The following LDLRAD4 variants were observed in gnomAD, a reference collection of about 807,000 sequenced individuals.
LDLRAD4 encodes the protein low-density lipoprotein receptor class A domain-containing protein 4.
A neutral mutation model predicts 17.0 loss-of-function variants in LDLRAD4; 5 were observed. That is an observed-to-expected ratio of 0.29 (90% CI 0.15 to 0.62). The LOEUF (loss-of-function observed/expected upper bound fraction) is 0.62, where lower values mean the gene tolerates loss of function less well. Among genes scored for constraint, LDLRAD4 ranks in the 20% least tolerant of loss-of-function variants. The pLI is 0.84. For synonymous variants in LDLRAD4, 168 were observed against 171.8 expected (o/e 0.98, Z 0.17); for missense variants, 340 against 424.7 (o/e 0.80, Z 1.75).
chr18:13,601,851 A>C (rs1234567772), intron 3 of LDLRAD4, among the ~76,000 whole-genome samples: 1 of 152,232 alleles, frequency 6.6e-6, no homozygotes, highest in Non-Finnish European at 1.5e-5. Flanking sequence ...CCAAAAAGAC[A>C]CTTGCACCTG....
intron 2 of LDLRAD4, among the ~76,000 whole-genome samples, chr18:13,407,174 A>G (rs903849897): frequency 2.0e-5 from 3 of 152,166 alleles, no homozygotes; most frequent in Admixed American, 6.5e-5. Context: ...AAACTTGTGC[A>G]TGAGTGTGCG....
chr18:13,479,627 G>GAAAGA (rs142887839), intron 3 of LDLRAD4, among the ~76,000 whole-genome samples: 40,923 of 150,848 alleles, frequency 0.27, 6,538 homozygotes, highest in East Asian at 0.57. Flanking sequence ...TCTAAAAAAA[G>GAAAGA]AAAGAAAAGA....
At chr18:13,620,255 AG>A (rs1218479500) in intron 3 of LDLRAD4, among the ~76,000 whole-genome samples, 1 of 152,224 alleles carries the variant, frequency 6.6e-6, no homozygotes, top group Non-Finnish European at 1.5e-5. Flanking sequence ...CTGTGAGCCC[AG>A]GGCAGCACAG....
At chr18:13,363,916 T>C (rs1343532257) in intron 1 of LDLRAD4, among the ~76,000 whole-genome samples, 2 of 152,196 alleles carry the variant, frequency 1.3e-5, no homozygotes, top group Non-Finnish European at 2.9e-5. Context: ...CAAAAGTCTC[T>C]AAATAATGCC....
chr18:13,490,593 T>A (rs2093338676), intron 3 of LDLRAD4: 1 of 137,900 alleles, frequency 7.3e-6, no homozygotes, highest in African/African-American at 2.5e-5. Flanking sequence ...TATACGTGGG[T>A]GTTTCAGTTT....
chr18:13,586,902 G>A (rs978215380), intron 3 of LDLRAD4, among the ~76,000 whole-genome samples: 20 of 151,610 alleles, frequency 1.3e-4, no homozygotes, highest in Non-Finnish European at 2.7e-4. Context: ...GGGGGGATCA[G>A]TATGTGTATG....
chr18:13,611,896 A>G, intron 3 of LDLRAD4: 1 of 985,370 alleles, frequency 1.0e-6, no homozygotes, highest in Non-Finnish European at 1.2e-6. Flanking sequence ...CCCATCAGTT[A>G]GAGGATGTGG....
At chr18:13,256,026 G>T (rs1193188046) in intron 1 of LDLRAD4, among the ~76,000 whole-genome samples, 1 of 152,144 alleles carries the variant, frequency 6.6e-6, no homozygotes, top group Non-Finnish European at 1.5e-5. Context: ...AGAAAATGAT[G>T]TATCACTTAT....
chr18:13,270,914 G>T (rs934250737), intron 1 of LDLRAD4, among the ~76,000 whole-genome samples: 1 of 152,210 alleles, frequency 6.6e-6, no homozygotes. Flanking sequence ...GAGTGTGTTT[G>T]TGTACATATG....
At chr18:13,462,686 T>C (rs576294220) in intron 3 of LDLRAD4, among the ~76,000 whole-genome samples, 59 of 152,284 alleles carry the variant, frequency 3.9e-4, no homozygotes, top group African/African-American at 1.4e-3. Flanking sequence ...CGTATATCAA[T>C]GCGGAAGGTG....
chr18:13,510,085 C>T (rs1040028437), intron 3 of LDLRAD4, among the ~76,000 whole-genome samples: 18 of 152,274 alleles, frequency 1.2e-4, no homozygotes, highest in African/African-American at 3.6e-4. Flanking sequence ...TTTATTTTGG[C>T]GGCCTGGAAC....
chr18:13,578,390 C>T (rs1330023790), intron 3 of LDLRAD4, among the ~76,000 whole-genome samples: 1 of 152,200 alleles, frequency 6.6e-6, no homozygotes, highest in African/African-American at 2.4e-5. Flanking sequence ...CCCTCCTTGT[C>T]TCAGGAGATG....
At chr18:13,455,873 C>G (rs1030494731) in intron 3 of LDLRAD4, among the ~76,000 whole-genome samples, 1 of 152,182 alleles carries the variant, frequency 6.6e-6, no homozygotes, top group Non-Finnish European at 1.5e-5. Flanking sequence ...ATGAAGAAAG[C>G]AAACATTTAA....
chr18:13,384,032 G>A (rs916002078), intron 1 of LDLRAD4, among the ~76,000 whole-genome samples: 1 of 152,172 alleles, frequency 6.6e-6, no homozygotes, highest in Non-Finnish European at 1.5e-5. Flanking sequence ...CCCTGCTTTT[G>A]TTGGGAACCG....
At chr18:13,487,014 T>C (rs969451150) in intron 3 of LDLRAD4, 6 of 152,268 alleles carry the variant, frequency 3.9e-5, no homozygotes, top group African/African-American at 1.4e-4. Context: ...ATTGTGGCTT[T>C]ACTTTGCATT....
chr18:13,232,574 C>T (rs2145534168), intron 1 of LDLRAD4, among the ~76,000 whole-genome samples: 1 of 152,250 alleles, frequency 6.6e-6, no homozygotes, highest in African/African-American at 2.4e-5. Flanking sequence ...TGCTGCTGCC[C>T]CGTGCTGTGC....
chr18:13,433,615 G>A (rs1425522176), intron 2 of LDLRAD4, among the ~76,000 whole-genome samples: 1 of 152,104 alleles, frequency 6.6e-6, no homozygotes, highest in Non-Finnish European at 1.5e-5. Flanking sequence ...TTAAGATTGA[G>A]CATTTATCAT....
chr18:13,428,244 G>C (rs1258385175), intron 2 of LDLRAD4, among the ~76,000 whole-genome samples: 2 of 152,200 alleles, frequency 1.3e-5, no homozygotes, highest in African/African-American at 2.4e-5. Flanking sequence ...GAGATGGGGA[G>C]TGGAGTGAGG....
chr18:13,515,071 G>A (rs954537730), intron 3 of LDLRAD4: 4 of 152,230 alleles, frequency 2.6e-5, no homozygotes, highest in Non-Finnish European at 4.4e-5. Flanking sequence ...AAATGGTTGT[G>A]AAGTAACTGA....
Sources: allele counts gnomAD v4.1 joint callset (sites outside exome capture counted in the v4.1 genomes callset), GRCh38; gene constraint gnomAD v4.1.1; transcripts MANE v1.5; gene names NCBI Gene and HGNC (gene_info 2026-07-23, HGNC 2026-07-21).